Variants in RGL1 observed in about 807,000 individuals in gnomAD.
RGL1 encodes ral guanine nucleotide dissociation stimulator like 1, also known as ral guanine nucleotide dissociation stimulator-like 1.
In RGL1, 24 loss-of-function variants were observed where a neutral mutation model predicts 95.2. The ratio of observed to expected loss-of-function variants is 0.25; its 90% CI spans 0.18 to 0.35. The LOEUF is 0.35. RGL1 is among the 10% of genes least tolerant of loss of function. RGL1 has a pLI of 1.00. For synonymous variants in RGL1, 329 were observed against 344.9 expected, an observed-to-expected ratio of 0.95 and a Z score of 0.51; for missense variants, 715 against 936.3, an observed-to-expected ratio of 0.76 and a Z score of 3.08.
chr1:183,638,079 T>C (rs74720994), intron 1 of RGL1, among the ~76,000 whole-genome samples: 10,443 of 152,220 alleles, frequency 0.069, 628 homozygotes, highest in African/African-American at 0.16. Context: ...AGAGCTAATA[T>C]ATCTCTTCTC....
chr1:183,884,003 A>AT (rs1365743944), intron 6 of RGL1, 93 bp downstream of exon 6: 1 of 1,341,852 alleles, frequency 7.5e-7, no homozygotes. Context: ...GGATAATGTG[A>AT]TTTTAAGTCT....
chr1:183,716,177 A>G (rs915068566), intron 1 of RGL1, among the ~76,000 whole-genome samples: 3 of 152,226 alleles, frequency 2.0e-5, no homozygotes, highest in African/African-American at 7.2e-5. Context: ...AACCATTACA[A>G]TATACTAGAA....
At chr1:183,802,692 A>G (rs1338513984), upstream of RGL1, among the ~76,000 whole-genome samples, 3 of 152,170 alleles carry the variant, frequency 2.0e-5, no homozygotes, top group Non-Finnish European at 1.5e-5. Flanking sequence ...TATACTAACA[A>G]CAAACAATCT....
chr1:183,888,856 TGTGGA>T (rs561861625), intron 8 of RGL1, among the ~76,000 whole-genome samples: 1,738 of 152,200 alleles, frequency 0.011, 14 homozygotes, highest in Non-Finnish European at 0.017. Context: ...GGGATAAGGT[TGTGGA>T]GTGATGAAGT....
Position 183,904,887 on chromosome 1 carries a change from C to T in RGL1, c.1388C>T (p.Ser463Phe). Residue 463 changes from serine to phenylalanine, a missense_variant, in exon 13 of 18, where the codon TCT becomes TTT. Physicochemically the swap from Ser to Phe is radical, Grantham distance 155. This residue lies in a region of RGL1 where 330 missense variants were observed against 429.6 expected (regional missense o/e 0.77). Coordinates refer to ENST00000360851, the MANE Select transcript of RGL1 (RefSeq NM_001297671.3). ...ATTGCCCAGATAAAGCTCTTACAGT[C>T]TGCCTGCAACAGCTATTGCATGACC... The part of the protein sequence containing the change: ...EVIAQIKLLQ[S>F]ACNSYCMTPD... The T allele has an allele frequency of 1.2e-6, 2 of 1,613,508 alleles. No individual in the cohort carries two copies. The highest frequency in any genetic ancestry group is 1.7e-6 in the Non-Finnish European group (2 of 1,179,720).
intron 2 of RGL1, among the ~76,000 whole-genome samples, chr1:183,776,842 A>T (rs1659633962): frequency 6.6e-6 from 1 of 152,178 alleles, no homozygotes; most frequent in Non-Finnish European, 1.5e-5. Context: ...CATGACCCCC[A>T]TCTGTCACTG....
chr1:183,785,976 G>A (rs1660136839), intron 2 of RGL1, among the ~76,000 whole-genome samples: 1 of 151,684 alleles, frequency 6.6e-6, no homozygotes, highest in African/African-American at 2.4e-5. Context: ...TACTTGGGAG[G>A]TTAAGGCAGG....
intron 1 of RGL1, among the ~76,000 whole-genome samples, chr1:183,734,123 T>A (rs984120076): frequency 6.6e-6 from 1 of 152,230 alleles, no homozygotes; most frequent in Non-Finnish European, 1.5e-5. Context: ...GGAAGCTAGT[T>A]AAAATGATTT....
chr1:183,875,931 C>T (rs2102623406), intron 4 of RGL1, among the ~76,000 whole-genome samples: 1 of 151,832 alleles, frequency 6.6e-6, no homozygotes, highest in Non-Finnish European at 1.5e-5. Context: ...TCCTTTCCCC[C>T]AACTCTTTAT....
intron 1 of RGL1, among the ~76,000 whole-genome samples, chr1:183,657,050 C>A: frequency 6.8e-6 from 1 of 147,466 alleles, no homozygotes; most frequent in African/African-American, 2.5e-5. Context: ...TTATTGGGGT[C>A]TTTTGTAGTT....
chr1:183,757,386 G>GT (rs1384368986), intron 2 of RGL1, among the ~76,000 whole-genome samples: 2 of 152,180 alleles, frequency 1.3e-5, no homozygotes, highest in African/African-American at 4.8e-5. Flanking sequence ...GGAGTGTATT[G>GT]TATTAAACTG....
intron 2 of RGL1, among the ~76,000 whole-genome samples, chr1:183,765,179 C>T (rs1013493049): frequency 2.0e-5 from 3 of 152,192 alleles, no homozygotes; most frequent in African/African-American, 7.2e-5. Flanking sequence ...CTAAGGGGTT[C>T]TCATTGGCTC....
intron 2 of RGL1, among the ~76,000 whole-genome samples, chr1:183,751,784 C>G (rs1658017334): frequency 6.6e-6 from 1 of 152,182 alleles, no homozygotes; most frequent in African/African-American, 2.4e-5. Context: ...TCCTTCACAG[C>G]TTTCCTTGGC....
intron 1 of RGL1, among the ~76,000 whole-genome samples, chr1:183,689,186 A>G (rs1653793223): frequency 1.3e-5 from 2 of 152,170 alleles, no homozygotes; most frequent in African/African-American, 2.4e-5. Context: ...TACTAAATTT[A>G]TTTAGTATTT....
Position 183,922,356 on chromosome 1 carries a change from A to G in RGL1, c.2119+20A>G, listed in dbSNP as rs1185025284. On this transcript the variant is annotated intron_variant, in intron 17 of 17. Transcript: ENST00000360851. ...ACAAAGGTGGGCATCCTTCCGAGAC[A>G]GGCATGTTCCTTCCCAGGGCAGGTG... is the stretch of plus-strand genomic sequence containing the variant. The G allele has an allele frequency of 1.3e-6, 2 of 1,581,276 alleles. No individual in the cohort carries two copies. Among genetic ancestry groups the G allele is most frequent in the Admixed American group, 1.7e-5 (1 of 59,456 alleles).
chr1:183,864,445 C>T (rs60316549), intron 3 of RGL1, among the ~76,000 whole-genome samples: 19,954 of 152,198 alleles, frequency 0.13, 1,717 homozygotes, highest in Middle Eastern at 0.26. Context: ...TTGCACCCAC[C>T]GTAATCTCTC....
At chr1:183,647,690 T>TTTC (rs768937470) in intron 1 of RGL1, 235 of 1,595,966 alleles carry the variant, frequency 1.5e-4, no homozygotes, top group Non-Finnish European at 1.9e-4. Context: ...ATTTCTTCCC[T>TTTC]TTCTTCTTCT....
intron 2 of RGL1, among the ~76,000 whole-genome samples, chr1:183,840,700 A>T (rs867000647): frequency 1.3e-5 from 2 of 150,858 alleles, no homozygotes; most frequent in African/African-American, 2.4e-5. Flanking sequence ...TTGTCTCTAA[A>T]AAATAAATAA....
chr1:183,906,197 C>G (rs1342752104), intron 13 of RGL1, among the ~76,000 whole-genome samples: 2 of 152,184 alleles, frequency 1.3e-5, no homozygotes, highest in African/African-American at 2.4e-5. Flanking sequence ...CCCGGCTCTA[C>G]AGCCTAAGCT....
Sources: gnomAD v4.1 joint callset for allele counts (sites outside exome capture counted in the v4.1 genomes callset) on GRCh38, gnomAD v4.1.1 for gene constraint, gnomAD v4.1.1 regional missense constraint, MANE v1.5 for transcripts, NCBI Gene and HGNC (gene_info 2026-07-23, HGNC 2026-07-21) for gene names.